Variants in SAFB2 observed in about 807,000 individuals in gnomAD.
SAFB2 encodes the protein scaffold attachment factor B2.
In SAFB2, 32 loss-of-function variants were observed where a neutral mutation model predicts 100.6. That is an observed-to-expected ratio of 0.32 (90% CI 0.24 to 0.43). The LOEUF (loss-of-function observed/expected upper bound fraction) is 0.43. Among genes scored for constraint, SAFB2 ranks in the 20% least tolerant of loss-of-function variants. The pLI is 1.00. For missense variants in SAFB2, 1,185 were observed against 1,163.4 expected (o/e 1.02, Z -0.27); for synonymous variants, 500 against 439.4 (o/e 1.14, Z -1.72).
intron 17 of SAFB2, among the ~76,000 whole-genome samples, chr19:5,591,036 T>C (rs930366136): frequency 1.3e-5 from 2 of 151,968 alleles, no homozygotes; most frequent in East Asian, 3.9e-4. Flanking sequence ...AAGCACGGAC[T>C]TGAAACATGG....
Position 5,592,829 on chromosome 19 carries a change from C to A in SAFB2, c.2266G>T (p.Ala756Ser), listed in dbSNP as rs141670762. 141 of 1,614,214 alleles carry A rather than the reference C, an allele frequency of 8.7e-5. No individual in the cohort carries two copies. The African/African-American group carries it at 1.7e-3, about 19-fold the overall frequency. ...KRVAMEDRYR[A>S]DFPRPDHRFH... ...CGGTGGTCTGGCCGGGGAAAGTCTG[C>A]ACGATATCGGTCCTCCATTGCCACA... is the stretch of plus-strand genomic sequence containing the variant. Residue 756 changes from alanine (A) to serine (S), a missense_variant, in exon 16 of 21, where the codon GCA becomes TCA. Around this residue, in one of 3 missense-constraint regions of SAFB2, gnomAD observed 740 missense variants for 687.1 expected, o/e 1.08. Coordinates refer to ENST00000252542, the MANE Select transcript of SAFB2 (RefSeq NM_014649.3).
At position 5,612,682 on chromosome 19, in the gene SAFB2, TTTC is replaced by T. The variant is rs538856552; in HGVS notation, c.607-118_607-116del. On this transcript the variant is annotated intron_variant, in intron 5 of 20. Transcript: ENST00000252542. ...GAATAAATGCCTGTTTCCACAAAAC[TTTC>T]TTGTCTCCAAAAAATGTATTCCATC... 6.4e-4 allele frequency: 512 copies of T among 796,404 alleles called. 5 individuals are homozygous for T. The highest frequency in any genetic ancestry group is 4.0e-3 in the South Asian group (260 of 65,346). The allele number at this position is 796,404 out of a possible 1,614,324, so 49.3% of individuals were successfully genotyped here.
At chr19:5,591,665 A>G in intron 17 of SAFB2, 83 bp downstream of exon 17, 1 of 1,417,938 alleles carries the variant, frequency 7.1e-7, no homozygotes. Context: ...TCTGGGATCA[A>G]GCGGCCGCCT....
At position 5,587,736 on chromosome 19, in the gene SAFB2, C is replaced by T; in HGVS notation, c.2670G>A (p.Gly890=). Reference sequence around the variant, plus strand: ...CACCGCGGCTTGCCATGTGCCCCGGCCCCGAGGGCCCAGACAGGCCCCTCT... The same window carrying T: ...CACCGCGGCTTGCCATGTGCCCCGGTCCCGAGGGCCCAGACAGGCCCCTCT... ...GGERGLSGPS[G]PGHMASRGGV... Residue 890 remains glycine (G), a synonymous_variant, in exon 20 of 21, where the codon GGG becomes GGA. Coordinates refer to ENST00000252542, the MANE Select transcript of SAFB2 (RefSeq NM_014649.3). The surrounding 1 kb of genome is among the most constrained non-coding windows in gnomAD (Gnocchi z 4.9). 6.4e-7 allele frequency: 1 copy of T among 1,552,430 alleles called. No individual in the cohort carries two copies.
intron 13 of SAFB2, among the ~76,000 whole-genome samples, chr19:5,597,411 A>G (rs1421824699): frequency 6.6e-6 from 1 of 152,154 alleles, no homozygotes; most frequent in Non-Finnish European, 1.5e-5. Context: ...ATAGGTAAAT[A>G]TCATGCATAA....
At chr19:5,597,388 TTTA>T (rs1406616991) in intron 13 of SAFB2, among the ~76,000 whole-genome samples, 3 of 152,222 alleles carry the variant, frequency 2.0e-5, no homozygotes, top group Non-Finnish European at 4.4e-5. Flanking sequence ...ACTCCCACCC[TTTA>T]TTTTTTTTAA....
chr19:5,600,150 C>A lies in SAFB2; in HGVS notation c.1670G>T (p.Arg557Leu). 6.2e-7 allele frequency: 1 copy of A among 1,613,986 alleles called. No homozygotes were observed. Among genetic ancestry groups the A allele is most frequent in the Non-Finnish European group, 8.5e-7 (1 of 1,179,976 alleles). Residue 557 changes from arginine (R) to leucine (L), a missense_variant, in exon 12 of 21, where the codon CGG becomes CTG. Physicochemically the swap from Arg to Leu is moderately radical, Grantham distance 102. This residue lies in a region of SAFB2 where 740 missense variants were observed against 687.1 expected (regional missense o/e 1.08). Transcript: ENST00000252542. ...QDELKPGPTNRSRVTKSGSRG... is the reference protein window; with the variant it reads ...QDELKPGPTNLSRVTKSGSRG... ...CTCACCTGATTTGGTGACTCTAGACCGATTTGTAGGTCCGGGTTTCAGCTC... is the reference window on the plus strand; with the variant it reads ...CTCACCTGATTTGGTGACTCTAGACAGATTTGTAGGTCCGGGTTTCAGCTC...
chr19:5,609,855 C>G, intron 9 of SAFB2, 140 bp downstream of exon 9: 1 of 714,664 alleles, frequency 1.4e-6, no homozygotes. Flanking sequence ...CCAGGCTGGT[C>G]TTGAACTCCT....
chr19:5,615,180 C>T (rs865982578), intron 4 of SAFB2, among the ~76,000 whole-genome samples: 4 of 152,070 alleles, frequency 2.6e-5, no homozygotes, highest in Admixed American at 1.3e-4. Context: ...TGGTGAAACC[C>T]CATCTCTACT....
chr19:5,605,119 T>A (rs1289454531), intron 9 of SAFB2, among the ~76,000 whole-genome samples, 183 bp from the exon 10 acceptor site: 1 of 152,162 alleles, frequency 6.6e-6, no homozygotes, highest in Non-Finnish European at 1.5e-5. Flanking sequence ...TGCTTTTTTT[T>A]TTTTTGAGAC....
chr19:5,590,363 G>A lies in SAFB2; in HGVS notation c.2440C>T (p.His814Tyr). The change falls in exon 18 of 21, where the codon CAC becomes TAC. Residue 814 changes from histidine (H) to tyrosine (Y), a missense_variant. His to Tyr is a moderately conservative substitution (Grantham distance 83). Around this residue, in one of 3 missense-constraint regions of SAFB2, gnomAD observed 740 missense variants for 687.1 expected, o/e 1.08. Transcript: ENST00000252542. ...RHGHGGPPERHGRDSRDGWGG... is the reference protein window; with the variant it reads ...RHGHGGPPERYGRDSRDGWGG... ...CAGCCATCACGGGAGTCCCGGCCGT[G>A]GCGCTCTGGGGGTCCTCCGTGGCCA... is the stretch of plus-strand genomic sequence containing the variant. 6.2e-7 allele frequency: 1 copy of A among 1,611,974 alleles called. No individual in the cohort carries two copies. Among genetic ancestry groups the A allele is most frequent in the Non-Finnish European group, 8.5e-7 (1 of 1,179,372 alleles).
rs761100145 is a variant in SAFB2, at chr19:5,621,375, C to G, written c.208G>C (p.Asp70His). ...AACTCGATGCCAATTTCATCAGGAT[C>G]TTGCCCCTCTTCTTTAACCGCCTAT... is the stretch of plus-strand genomic sequence containing the variant. ...LKKAVKEEGQ[D>H]PDEIGIELEA... is the part of the protein sequence containing the mutation. The change falls in exon 2 of 21, where the codon GAT becomes CAT. Residue 70 changes from aspartate (D) to histidine (H), a missense_variant. By Grantham distance (81) the Asp-to-His change is moderately conservative (BLOSUM62 -1). Coordinates refer to ENST00000252542, the MANE Select transcript of SAFB2 (RefSeq NM_014649.3). The G allele has an allele frequency of 6.2e-7, 1 of 1,613,320 alleles. No individual in the cohort carries two copies. The highest frequency in any genetic ancestry group is 8.5e-7 in the Non-Finnish European group (1 of 1,179,238).
At position 5,609,880 on chromosome 19, in the gene SAFB2, C is replaced by G. The variant is rs1404664100; in HGVS notation, c.1296+115G>C. 9 of 872,410 alleles carry G rather than the reference C, an allele frequency of 1.0e-5. No individual in the cohort carries two copies. The South Asian group carries it at 1.0e-4, about 10-fold the overall frequency. The allele number at this position is 872,410 out of a possible 1,614,324, so 54.0% of individuals were successfully genotyped here. A position where few individuals can be genotyped will look rare whatever the true frequency, so the allele number is the denominator to read the frequency against. Reference sequence around the variant, plus strand: ...CTTGAACTCCTGGGCTCAAGCAATCCTCCTGCCTCAGCCTCCCAAACTGCT... The same window carrying G: ...CTTGAACTCCTGGGCTCAAGCAATCGTCCTGCCTCAGCCTCCCAAACTGCT... On this transcript the variant is annotated intron_variant, in intron 9 of 20. Coordinates refer to ENST00000252542, the MANE Select transcript of SAFB2 (RefSeq NM_014649.3).
intron 15 of SAFB2, among the ~76,000 whole-genome samples, 164 bp from the exon 16 acceptor site, chr19:5,593,051 C>G (rs1463358271): frequency 1.3e-5 from 2 of 152,134 alleles, no homozygotes; most frequent in Non-Finnish European, 2.9e-5. Flanking sequence ...TTGCTTTGAT[C>G]TGATAAATTA....
chr19:5,596,431 T>C (rs1007940911), intron 13 of SAFB2, among the ~76,000 whole-genome samples: 2 of 152,168 alleles, frequency 1.3e-5, no homozygotes, highest in Non-Finnish European at 2.9e-5. Context: ...CAGTCACAGC[T>C]CACTGCAGGA....
rs562893467 is a variant in SAFB2, at chr19:5,610,621, C to T, written c.1195+18G>A. On this transcript the variant is annotated intron_variant, in intron 8 of 20. Transcript: ENST00000252542. ...GGGAACCATACCTGGCTCCCTACCACGTTAAATTAAATCATACCTTTTTCA... is the reference window on the plus strand; with the variant it reads ...GGGAACCATACCTGGCTCCCTACCATGTTAAATTAAATCATACCTTTTTCA... The T allele has an allele frequency of 1.7e-5, 26 of 1,548,984 alleles. No individual in the cohort carries two copies. Among genetic ancestry groups the T allele is most frequent in the South Asian group, 1.3e-4 (11 of 86,630 alleles).
intron 2 of SAFB2, among the ~76,000 whole-genome samples, chr19:5,616,746 G>A (rs1274291340): frequency 1.4e-5 from 2 of 147,236 alleles, no homozygotes; most frequent in Non-Finnish European, 1.5e-5. Flanking sequence ...CCACCTCCTG[G>A]GTTCAAGCGA....
At chr19:5,619,790 A>G (rs2053104029) in intron 2 of SAFB2, among the ~76,000 whole-genome samples, 1 of 151,890 alleles carries the variant, frequency 6.6e-6, no homozygotes, top group Non-Finnish European at 1.5e-5. Flanking sequence ...GGTTGCAGTG[A>G]GCCAAGACCG....
Position 5,594,105 on chromosome 19 carries a change from G to A in SAFB2, c.1993C>T (p.Arg665Trp), listed in dbSNP as rs1275133582. Residue 665 changes from arginine to tryptophan, a missense_variant, in exon 15 of 21, where the codon CGG (arginine) becomes TGG (tryptophan). This residue lies in a region of SAFB2 where 740 missense variants were observed against 687.1 expected (regional missense o/e 1.08). Coordinates refer to ENST00000252542, the MANE Select transcript of SAFB2 (RefSeq NM_014649.3). ...TGGCACTCGAGCTGCAGGCGTTCCC[G>A]CTGTAGCCGGGCCTTCTCCTTCCGC... ...HERKEKARLQ[R>W]ERLQLECQRQ... The A allele has an allele frequency of 2.5e-6, 4 of 1,600,510 alleles. No individual in the cohort carries two copies. The African/African-American group carries it at 4.0e-5, about 16-fold the overall frequency.
Sources: gnomAD v4.1 joint callset for allele counts (sites outside exome capture counted in the v4.1 genomes callset) on GRCh38, gnomAD v4.1.1 for gene constraint, gnomAD v4.1.1 regional missense constraint, Gnocchi (gnomAD v3.1) non-coding constraint, MANE v1.5 for transcripts, NCBI Gene and HGNC (gene_info 2026-07-23, HGNC 2026-07-21) for gene names.